The following RSPH14 variants were observed in gnomAD, a reference collection of about 807,000 sequenced individuals.
RSPH14 encodes the protein radial spoke head 14 homolog.
In RSPH14, 20 loss-of-function variants were observed where a neutral mutation model predicts 26.7. That is an observed-to-expected ratio of 0.75 (90% confidence interval 0.53 to 1.09). The LOEUF is 1.09. Ranked by LOEUF, RSPH14 falls within the 50% of genes least tolerant of loss-of-function variation. RSPH14 has a pLI of 0.00. For synonymous variants in RSPH14, 177 were observed against 189.3 expected (o/e 0.93, Z 0.53); for missense variants, 449 against 457.2 (o/e 0.98, Z 0.16).
chr22:23,072,473 C>G (rs971702378), intron 4 of RSPH14, among the ~76,000 whole-genome samples: 1 of 152,208 alleles, frequency 6.6e-6, no homozygotes, highest in African/African-American at 2.4e-5. Context: ...ATTTCTCCCC[C>G]TCGGAAATTG....
the RSPH14 span, chr22:23,152,936 G>A: frequency 2.3e-6 from 2 of 862,204 alleles, no homozygotes; most frequent in African/African-American, 3.3e-5. Flanking sequence ...GATGGGAAGT[G>A]GACCTTATTT....
At chr22:23,161,105 CCT>C in the RSPH14 span, 2 of 1,348,962 alleles carry the variant, frequency 1.5e-6, no homozygotes, top group East Asian at 4.8e-5. Context: ...AACTTGTGGC[CCT>C]CTCCTGTCCT....
the RSPH14 span, chr22:23,152,331 G>T: frequency 1.2e-6 from 1 of 868,384 alleles, no homozygotes; most frequent in Admixed American, 1.8e-5. Context: ...GTCTCAGCAG[G>T]GTGGCCCATC....
intron 4 of RSPH14, among the ~76,000 whole-genome samples, chr22:23,080,474 C>T (rs534944837): frequency 5.3e-5 from 8 of 152,360 alleles, no homozygotes; most frequent in African/African-American, 1.7e-4. Flanking sequence ...TGTTCACTAA[C>T]CGTAGTCCTT....
Position 23,134,008 on chromosome 22 carries a change from T to C in RSPH14, c.421+18A>G, listed in dbSNP as rs940910565. The C allele has an allele frequency of 2.5e-6, 4 of 1,587,548 alleles. No individual in the cohort carries two copies. In the Admixed American group the frequency reaches 5.0e-5, roughly 20 times the overall value. On this transcript the variant is annotated intron_variant, in intron 4 of 6. Transcript: ENST00000216036. ...AACTTGAGTGCCCGACAGATCTGTG[T>C]GCAGGACGCAAGCCTACCTCTAGGC...
chr22:23,157,969 G>A, the RSPH14 span: 2 of 1,613,990 alleles, frequency 1.2e-6, no homozygotes, highest in Non-Finnish European at 1.7e-6. Context: ...CTGATTGGCT[G>A]TTGGCTTTTT....
intron 3 of RSPH14, among the ~76,000 whole-genome samples, chr22:23,138,330 G>C (rs557409281): frequency 7.5e-4 from 115 of 152,322 alleles, no homozygotes; most frequent in African/African-American, 2.6e-3. Flanking sequence ...AGGAGGCCGA[G>C]GCAGGCAGAT....
intron 4 of RSPH14, among the ~76,000 whole-genome samples, chr22:23,104,019 C>T (rs1049902364): frequency 2.0e-5 from 3 of 152,048 alleles, no homozygotes; most frequent in African/African-American, 7.3e-5. Flanking sequence ...GAGACGGGGG[C>T]CTAGACGTTG....
chr22:23,155,961 C>T, the RSPH14 span: 1 of 1,608,570 alleles, frequency 6.2e-7, no homozygotes, highest in Non-Finnish European at 8.5e-7. Flanking sequence ...TCTCACCCAC[C>T]TCACAGCTGG....
intron 4 of RSPH14, among the ~76,000 whole-genome samples, chr22:23,083,502 T>A (rs184978616): frequency 5.3e-5 from 8 of 152,312 alleles, no homozygotes; most frequent in Admixed American, 4.6e-4. Flanking sequence ...TTCCTCCATC[T>A]ATCCATCCAT....
At chr22:23,106,942 C>T (rs552055832) in intron 4 of RSPH14, among the ~76,000 whole-genome samples, 52 of 152,306 alleles carry the variant, frequency 3.4e-4, no homozygotes, top group African/African-American at 1.2e-3. Context: ...ACTGCACACA[C>T]AGGGAAACCA....
At chr22:23,093,988 T>A (rs2069056208) in intron 4 of RSPH14, among the ~76,000 whole-genome samples, 1 of 152,176 alleles carries the variant, frequency 6.6e-6, no homozygotes, top group South Asian at 2.1e-4. Context: ...CACGGATGGC[T>A]GCTGGGAGGA....
At chr22:23,166,968 G>A in the RSPH14 span, among the ~76,000 whole-genome samples, 2 of 152,074 alleles carry the variant, frequency 1.3e-5, no homozygotes, top group Admixed American at 6.5e-5. Context: ...CTGGAAGCTC[G>A]TTTAACCACA....
chr22:23,171,066 C>T, the RSPH14 span, among the ~76,000 whole-genome samples: 1 of 152,074 alleles, frequency 6.6e-6, no homozygotes, highest in African/African-American at 2.4e-5. Context: ...CTCCCGGGTT[C>T]AAGCGATCCT....
At chr22:23,136,431 C>T (rs1305216860) in intron 3 of RSPH14, 1 of 539,330 alleles carries the variant, frequency 1.9e-6, no homozygotes, top group African/African-American at 2.0e-5. Flanking sequence ...TCACCACTGA[C>T]CTCAAGGGAA....
intron 4 of RSPH14, among the ~76,000 whole-genome samples, chr22:23,130,530 A>AAGAAAGAAAGAAAGAG (rs1569193238): frequency 8.0e-6 from 1 of 124,390 alleles, no homozygotes; most frequent in African/African-American, 3.0e-5. Flanking sequence ...GAAAGAAAGA[A>AAGAAAGAAAGAAAGAG]AGAGAAAGAA....
the RSPH14 span, among the ~76,000 whole-genome samples, chr22:23,161,199 A>G: frequency 6.6e-6 from 1 of 151,940 alleles, no homozygotes; most frequent in East Asian, 1.9e-4. Context: ...CACCCTCCCT[A>G]GCCCTCCCTG....
At chr22:23,099,152 G>A (rs1601799124) in intron 4 of RSPH14, among the ~76,000 whole-genome samples, 1 of 152,274 alleles carries the variant, frequency 6.6e-6, no homozygotes, top group South Asian at 2.1e-4. Flanking sequence ...ACAGCCCCCC[G>A]GCCCACCCGC....
chr22:23,166,462 C>G, the RSPH14 span, among the ~76,000 whole-genome samples: 1 of 151,720 alleles, frequency 6.6e-6, no homozygotes, highest in Admixed American at 6.6e-5. Context: ...CAAGGGCTTT[C>G]TCCCTAAGCA....
Sources: allele counts gnomAD v4.1 joint callset (sites outside exome capture counted in the v4.1 genomes callset), GRCh38; gene constraint gnomAD v4.1.1; transcripts MANE v1.5; gene names NCBI Gene and HGNC (gene_info 2026-07-23, HGNC 2026-07-21).